UBR4: variants seen among roughly 807,000 people sequenced by gnomAD.
The protein encoded by UBR4 is E3 ubiquitin-protein ligase UBR4.
Under a neutral mutation model 575.6 loss-of-function variants are expected in UBR4, and 124 were observed. The ratio of observed to expected loss-of-function variants is 0.22; its 90% CI spans 0.19 to 0.25. The LOEUF (loss-of-function observed/expected upper bound fraction) is 0.25, where lower values mean the gene tolerates loss of function less well. UBR4 is among the 10% of genes least tolerant of loss of function. The probability of loss-of-function intolerance (pLI) is 1.00; values close to 1 mark genes in which losing one functional copy is unlikely to be tolerated. For synonymous variants in UBR4, 2,455 were observed against 2,473.7 expected (o/e 0.99, Z 0.22); for missense variants, 4,818 against 6,478.8 (o/e 0.74, Z 8.80).
intron 49 of UBR4, among the ~76,000 whole-genome samples, chr1:19,150,276 C>T (rs960948046): frequency 2.6e-5 from 4 of 152,168 alleles, no homozygotes; most frequent in Admixed American, 2.0e-4. Flanking sequence ...ATCTAGAATA[C>T]TGGCTTGAGC....
chr1:19,172,444 G>A (rs780439436), intron 25 of UBR4, among the ~76,000 whole-genome samples: 2 of 152,146 alleles, frequency 1.3e-5, no homozygotes, highest in Admixed American at 6.5e-5. Context: ...TTGAACCCAG[G>A]GGGTGGAGGT....
At chr1:19,091,745 A>G (rs1557531004) in intron 97 of UBR4, among the ~76,000 whole-genome samples, 1 of 152,236 alleles carries the variant, frequency 6.6e-6, no homozygotes, top group Non-Finnish European at 1.5e-5. Flanking sequence ...TACTCTAGAG[A>G]ACAGTTTGGC....
intron 104 of UBR4, 92 bp downstream of exon 104, chr1:19,077,884 A>C (rs1477115868): frequency 5.0e-6 from 8 of 1,606,648 alleles, no homozygotes; most frequent in Non-Finnish European, 6.8e-6. Context: ...GCGGAGGAGC[A>C]GCCATGTGGG....
At chr1:19,181,280 A>G (rs1257834203) in intron 17 of UBR4, among the ~76,000 whole-genome samples, 1 of 152,082 alleles carries the variant, frequency 6.6e-6, no homozygotes, top group African/African-American at 2.4e-5. Flanking sequence ...ACACACACAT[A>G]GTCCCAAAAG....
chr1:19,150,630 A>T lies in UBR4; in HGVS notation c.7377T>A (p.Thr2459=), dbSNP rs371556748. The part of the protein sequence containing the change: ...CPSNLNQSNG[T]GDSDSAAPTT... ...TGGGGGCAGCTGAGTCGCTATCTCC[A>T]GTGCCGTTGCTCTGGTTCAGATTTG... Residue 2459 remains threonine, a synonymous_variant, in exon 49 of 106, where the codon ACT becomes ACA. Transcript: ENST00000375254. The T allele has an allele frequency of 4.3e-6, 7 of 1,614,062 alleles. No individual in the cohort carries two copies. The highest frequency in any genetic ancestry group is 5.9e-6 in the Non-Finnish European group (7 of 1,180,016).
chr1:19,120,149 G>A, intron 69 of UBR4, 31 bp downstream of exon 69: 1 of 1,610,308 alleles, frequency 6.2e-7, no homozygotes, highest in Non-Finnish European at 8.5e-7. Flanking sequence ...TCACACCCTT[G>A]CAGATCTGTC....
chr1:19,161,268 C>A (rs1396333140), intron 37 of UBR4, 121 bp from the exon 38 acceptor site: 2 of 944,340 alleles, frequency 2.1e-6, no homozygotes, highest in Non-Finnish European at 1.6e-6. Flanking sequence ...TCAATGTTAT[C>A]CAAAAGCCTA....
chr1:19,151,406 T>A, intron 48 of UBR4: 1 of 596,594 alleles, frequency 1.7e-6, no homozygotes, highest in South Asian at 2.0e-5. Context: ...ACAACACTAT[T>A]GAAATGAATA....
At chr1:19,087,778 T>G in intron 99 of UBR4, 38 bp downstream of exon 99, 1 of 1,551,982 alleles carries the variant, frequency 6.4e-7, no homozygotes, top group Non-Finnish European at 8.8e-7. Context: ...GGGGTCAGGC[T>G]GGGCCCTCAG....
intron 25 of UBR4, 60 bp downstream of exon 25, chr1:19,172,804 T>C: frequency 6.6e-7 from 1 of 1,521,432 alleles, no homozygotes; most frequent in South Asian, 1.1e-5. Context: ...TCTGAGTCAA[T>C]GCGGGATCTG....
chr1:19,078,334 G>C (rs981742584), intron 103 of UBR4: 3 of 366,386 alleles, frequency 8.2e-6, no homozygotes, highest in Non-Finnish European at 1.5e-5. Flanking sequence ...AAATGGAACC[G>C]GGGGAGACAT....
Position 19,121,252 on chromosome 1 carries a change from T to A in UBR4, c.10078A>T (p.Thr3360Ser). 8.7e-6 allele frequency: 14 copies of A among 1,614,228 alleles called. No homozygotes were observed. The highest frequency in any genetic ancestry group is 1.2e-5 in the Non-Finnish European group (14 of 1,180,034). Reference protein sequence around the residue: ...APVAASSGQATTQSKSSTKKS... With the variant: ...APVAASSGQASTQSKSSTKKS... Reference sequence around the variant, plus strand: ...TTAGTGGAAGACTTGGACTGTGTTGTGGCTTGTCCAGAACTGGCAGCCACA... The same window carrying A: ...TTAGTGGAAGACTTGGACTGTGTTGAGGCTTGTCCAGAACTGGCAGCCACA... Residue 3360 changes from threonine (T) to serine (S), a missense_variant, in exon 68 of 106, where the codon ACA becomes TCA. Physicochemically the swap from Thr to Ser is moderately conservative, Grantham distance 58. This residue lies in a region of UBR4 where 550 missense variants were observed against 791.5 expected (regional missense o/e 0.69). Transcript: ENST00000375254.
chr1:19,122,249 C>T lies in UBR4; in HGVS notation c.9817-237G>A, dbSNP rs117797624. ...TGTTCTACCCCATCCCCACGCAAGG[C>T]GCTGTTTTCAGGAACCTTCAGACTA... On this transcript the variant is annotated intron_variant, in intron 66 of 105. Coordinates refer to ENST00000375254, the MANE Select transcript of UBR4 (RefSeq NM_020765.3). Among the ~76,000 whole-genome samples the T allele has an allele frequency of 6.6e-5, 10 of 152,308 alleles. No homozygotes were observed. The East Asian group carries it at 1.7e-3, about 26-fold the overall frequency.
chr1:19,201,607 G>T, intron 2 of UBR4, 111 bp downstream of exon 2: 1 of 870,394 alleles, frequency 1.1e-6, no homozygotes, highest in Non-Finnish European at 1.8e-6. Flanking sequence ...CAGCTTAGGA[G>T]TGCTAAAACC....
chr1:19,099,525 C>T, intron 90 of UBR4, 72 bp downstream of exon 90: 1 of 1,363,302 alleles, frequency 7.3e-7, no homozygotes, highest in Non-Finnish European at 1.0e-6. Context: ...TGAACAATGG[C>T]TCCTGCTGGT....
At position 19,155,662 on chromosome 1, in the gene UBR4, C is replaced by A; in HGVS notation, c.6079G>T (p.Asp2027Tyr). ...IVTADFVKIY[D>Y]LCVDALSPTF... ...GGACTCAAGGCATCAACACACAGGT[C>A]ATAAATCTGCAGGATGGAAGAAAAA... is the stretch of plus-strand genomic sequence containing the variant. Residue 2027 changes from aspartate (D) to tyrosine (Y), a missense_variant, in exon 43 of 106, where the codon GAC becomes TAC. By Grantham distance (160) the Asp-to-Tyr change is radical. Transcript: ENST00000375254. 1 of 1,612,824 alleles carries A rather than the reference C, an allele frequency of 6.2e-7. No individual in the cohort carries two copies. The highest frequency in any genetic ancestry group is 1.1e-5 in the South Asian group (1 of 91,014).
chr1:19,135,475 T>C (rs991727098), intron 60 of UBR4, among the ~76,000 whole-genome samples: 2 of 152,234 alleles, frequency 1.3e-5, no homozygotes, highest in African/African-American at 4.8e-5. Context: ...TATATCAATT[T>C]GAAGACAATT....
chr1:19,165,862 G>T, intron 29 of UBR4, 105 bp from the exon 30 acceptor site: 1 of 965,674 alleles, frequency 1.0e-6, no homozygotes, highest in African/African-American at 1.7e-5. Context: ...GACCTTGAGG[G>T]CAATGTCTAA....
chr1:19,160,725 T>C (rs965301382), intron 38 of UBR4, among the ~76,000 whole-genome samples, 192 bp downstream of exon 38: 6 of 152,158 alleles, frequency 3.9e-5, no homozygotes, highest in African/African-American at 1.4e-4. Context: ...TCACCCCCCA[T>C]AATACTCCTA....
Sources: allele counts gnomAD v4.1 joint callset (sites outside exome capture counted in the v4.1 genomes callset), GRCh38; gene constraint gnomAD v4.1.1; regional missense constraint gnomAD v4.1.1; transcripts MANE v1.5; gene names NCBI Gene and HGNC (gene_info 2026-07-23, HGNC 2026-07-21).